Variants in MACROD2 observed in about 807,000 individuals in gnomAD.
MACROD2 encodes the protein ADP-ribose glycohydrolase MACROD2.
MACROD2 carries 36 observed loss-of-function variants against 70.4 expected under a neutral mutation model. The observed-to-expected ratio is 0.51, with a 90% CI of 0.39 to 0.68. The LOEUF is 0.68. Ranked by LOEUF, MACROD2 falls within the 30% of genes least tolerant of loss-of-function variation. The pLI, the probability that MACROD2 is intolerant of heterozygous loss-of-function variation, is 0.00. For synonymous variants in MACROD2, 172 were observed against 178.8 expected, an observed-to-expected ratio of 0.96 and a Z score of 0.30; for missense variants, 496 against 538.4, an observed-to-expected ratio of 0.92 and a Z score of 0.78.
chr20:15,805,559 C>G (rs545573846), intron 8 of MACROD2, among the ~76,000 whole-genome samples: 4 of 151,958 alleles, frequency 2.6e-5, no homozygotes, highest in Non-Finnish European at 5.9e-5. Context: ...TCACCACAAC[C>G]TCCGCCTCCT....
At chr20:15,695,411 C>CT (rs375119900) in intron 8 of MACROD2, among the ~76,000 whole-genome samples, 11,218 of 115,218 alleles carry the variant, frequency 0.097, 1,274 homozygotes, top group African/African-American at 0.29. Context: ...TCTTCTTCTT[C>CT]TTTTTTTTTT....
At chr20:15,195,698 A>T (rs926693240) in intron 5 of MACROD2, among the ~76,000 whole-genome samples, 4 of 152,212 alleles carry the variant, frequency 2.6e-5, no homozygotes, top group African/African-American at 9.7e-5. Flanking sequence ...TAGATGCAGA[A>T]ATACCATTTG....
At chr20:14,156,215 T>C (rs1338537441) in intron 3 of MACROD2, among the ~76,000 whole-genome samples, 1 of 152,230 alleles carries the variant, frequency 6.6e-6, no homozygotes, top group Non-Finnish European at 1.5e-5. Context: ...ATCTCTGTTT[T>C]TAAAAATTAT....
rs531434593 is a variant in MACROD2, at chr20:14,262,965, G to A, written c.271+177237G>A. ...GGATTGAGGAAGTTTGGTTTAGTTT[G>A]GATTGTAAGATGGAAAACCACTTAA... is the stretch of plus-strand genomic sequence containing the variant. On this transcript the variant is annotated intron_variant, in intron 3 of 17. Transcript: ENST00000684519. Among the ~76,000 whole-genome samples, 7 of 152,254 alleles carry A rather than the reference G, an allele frequency of 4.6e-5. No individual in the cohort carries two copies. The South Asian group carries it at 1.5e-3, about 32-fold the overall frequency.
intron 5 of MACROD2, among the ~76,000 whole-genome samples, chr20:14,834,050 A>T (rs2073001073): frequency 6.6e-6 from 1 of 152,104 alleles, no homozygotes; most frequent in South Asian, 2.1e-4. Context: ...AGCTGTAAAA[A>T]TGTAGAGTTT....
chr20:15,165,262 C>T (rs1568611659), intron 5 of MACROD2, among the ~76,000 whole-genome samples: 1 of 152,144 alleles, frequency 6.6e-6, no homozygotes, highest in Non-Finnish European at 1.5e-5. Flanking sequence ...TCGAGACCAG[C>T]CTGGCCAACG....
intron 3 of MACROD2, among the ~76,000 whole-genome samples, chr20:14,346,527 G>A (rs920951039): frequency 6.6e-6 from 1 of 152,180 alleles, no homozygotes; most frequent in Admixed American, 6.5e-5. Context: ...CTATTTATGT[G>A]TATTCTAACA....
At chr20:14,268,495 G>C (rs2082162834) in intron 3 of MACROD2, among the ~76,000 whole-genome samples, 1 of 152,122 alleles carries the variant, frequency 6.6e-6, no homozygotes, top group African/African-American at 2.4e-5. Flanking sequence ...TAAACAAGAA[G>C]TGAGTTGTTA....
chr20:15,554,704 C>G (rs1026844593), intron 8 of MACROD2, among the ~76,000 whole-genome samples: 12 of 152,002 alleles, frequency 7.9e-5, no homozygotes, highest in African/African-American at 2.4e-4. Flanking sequence ...TAAATTTCTT[C>G]TTTTGGAAAT....
chr20:15,501,496 C>T (rs2047364133), intron 8 of MACROD2, among the ~76,000 whole-genome samples: 1 of 152,184 alleles, frequency 6.6e-6, no homozygotes, highest in South Asian at 2.1e-4. Context: ...CTAAATTATT[C>T]AGAAAGTTAT....
At chr20:14,843,341 T>TTA (rs370555111) in intron 5 of MACROD2, among the ~76,000 whole-genome samples, 6 of 151,410 alleles carry the variant, frequency 4.0e-5, no homozygotes, top group East Asian at 3.9e-4. Flanking sequence ...ATATATTTTA[T>TTA]TATATATATA....
intron 7 of MACROD2, among the ~76,000 whole-genome samples, chr20:15,466,948 G>T (rs2046899493): frequency 6.6e-6 from 1 of 152,226 alleles, no homozygotes; most frequent in Admixed American, 6.5e-5. Context: ...ATCATAATTT[G>T]CAGCTATTTA....
rs574285872 is a variant in MACROD2, at chr20:14,580,699, C to T, written c.301+87191C>T. On this transcript the variant is annotated intron_variant, in intron 4 of 17. Transcript: ENST00000684519. Reference sequence around the variant, plus strand: ...TAGCTAAAAATGAAAACTAGGAAGTCGTGACCTTAGGACCTACTTTTCTAC... The same window carrying T: ...TAGCTAAAAATGAAAACTAGGAAGTTGTGACCTTAGGACCTACTTTTCTAC... Among the ~76,000 whole-genome samples the T allele has an allele frequency of 2.0e-5, 3 of 152,154 alleles. No homozygotes were observed. In the East Asian group the frequency reaches 5.8e-4, roughly 29 times the overall value.
chr20:15,067,384 CTG>C (rs2075585495), intron 5 of MACROD2, among the ~76,000 whole-genome samples: 1 of 152,168 alleles, frequency 6.6e-6, no homozygotes, highest in African/African-American at 2.4e-5. Context: ...GAGTCTCACT[CTG>C]TTGCTCAGGC....
intron 4 of MACROD2, among the ~76,000 whole-genome samples, chr20:14,674,978 C>G (rs951107266): frequency 3.9e-5 from 6 of 152,128 alleles, no homozygotes; most frequent in African/African-American, 1.4e-4. Flanking sequence ...CAAAATCTCC[C>G]TGTGAAAATC....
intron 6 of MACROD2, among the ~76,000 whole-genome samples, chr20:15,420,394 A>G (rs1028856344): frequency 7.9e-5 from 12 of 152,220 alleles, no homozygotes; most frequent in African/African-American, 2.9e-4. Context: ...ACTTATAATT[A>G]TAGTGCCTCA....
intron 3 of MACROD2, among the ~76,000 whole-genome samples, chr20:14,204,691 A>G (rs1454880494): frequency 6.6e-6 from 1 of 152,120 alleles, no homozygotes; most frequent in Non-Finnish European, 1.5e-5. Context: ...CAGCTGTTTC[A>G]CATCCCTTTC....
chr20:14,499,720 C>T lies in MACROD2; in HGVS notation c.301+6212C>T, dbSNP rs186394773. On this transcript the variant is annotated intron_variant, in intron 4 of 17. Transcript: ENST00000684519. ...AGCCAACCTACCTTTGCCCTCCCTC[C>T]TTCCCTCCTCCCCGTCTTCTGTCCT... 1.5e-3 allele frequency among the ~76,000 whole-genome samples: 227 copies of T among 152,164 alleles called. 2 individuals carry two copies. Among genetic ancestry groups the T allele is most frequent in the Non-Finnish European group, 9.1e-4 (62 of 67,976 alleles).
chr20:14,779,132 T>C (rs543882994), intron 5 of MACROD2, among the ~76,000 whole-genome samples: 3 of 152,202 alleles, frequency 2.0e-5, no homozygotes, highest in Admixed American at 2.0e-4. Flanking sequence ...TCAGATTTCT[T>C]CCACCAAAAG....
Sources: gnomAD v4.1 joint callset for allele counts (sites outside exome capture counted in the v4.1 genomes callset) on GRCh38, gnomAD v4.1.1 for gene constraint, MANE v1.5 for transcripts, NCBI Gene and HGNC (gene_info 2026-07-23, HGNC 2026-07-21) for gene names.